PHF21A: variants seen among roughly 807,000 people sequenced by gnomAD.
PHF21A encodes PHD finger protein 21A.
A neutral mutation model predicts 82.5 loss-of-function variants in PHF21A; 11 were observed. The observed-to-expected ratio is 0.13, with a 90% CI of 0.08 to 0.22. The LOEUF (loss-of-function observed/expected upper bound fraction) is 0.22. Among genes scored for constraint, PHF21A ranks in the 10% least tolerant of loss-of-function variants. The probability of loss-of-function intolerance (pLI) is 1.00; values close to 1 mark genes in which losing one functional copy is unlikely to be tolerated. For missense variants in PHF21A, 579 were observed against 837.8 expected, an observed-to-expected ratio of 0.69 and a Z score of 3.81; for synonymous variants, 297 against 302.8, an observed-to-expected ratio of 0.98 and a Z score of 0.20.
chr11:46,070,714 A>G (rs2096647298), intron 6 of PHF21A, among the ~76,000 whole-genome samples: 1 of 152,238 alleles, frequency 6.6e-6, no homozygotes, highest in East Asian at 1.9e-4. Context: ...TCTCTCTAAA[A>G]AGGAGTAAAA....
At chr11:46,064,784 T>TA (rs1240568423) in intron 6 of PHF21A, among the ~76,000 whole-genome samples, 1 of 152,208 alleles carries the variant, frequency 6.6e-6, no homozygotes, top group African/African-American at 2.4e-5. Context: ...ACCAAAAAAT[T>TA]AAAAAATAAT....
chr11:45,950,320 G>C lies in PHF21A; in HGVS notation c.1096-63C>G. 2.8e-6 allele frequency: 4 copies of C among 1,423,542 alleles called. No homozygotes were observed. The South Asian group carries it at 4.7e-5, about 17-fold the overall frequency. 88.2% of individuals were successfully genotyped at this position (1,423,542 alleles called of 1,614,324 possible). A position where few individuals can be genotyped will look rare whatever the true frequency, so the allele number is the denominator to read the frequency against. ...TGGGTTCTCACAAAGCCAATTGCCA[G>C]TTCCTAGTAGGACATTAGGGAAAGC... On this transcript the variant is annotated intron_variant, in intron 11 of 18. Coordinates refer to ENST00000676320, the MANE Select transcript of PHF21A (RefSeq NM_001352027.3).
intron 8 of PHF21A, 151 bp downstream of exon 8, chr11:45,970,965 T>C: frequency 1.1e-6 from 1 of 914,386 alleles, no homozygotes; most frequent in South Asian, 1.8e-5. Context: ...AGAAATGCCA[T>C]ATTCCCTTGT....
intron 6 of PHF21A, among the ~76,000 whole-genome samples, chr11:46,060,543 G>A (rs1267445108): frequency 6.6e-6 from 1 of 152,168 alleles, no homozygotes; most frequent in Non-Finnish European, 1.5e-5. Flanking sequence ...CACTCATTGT[G>A]GTTCTGATGT....
chr11:46,030,531 G>A (rs932073333), intron 6 of PHF21A, among the ~76,000 whole-genome samples: 4 of 152,266 alleles, frequency 2.6e-5, no homozygotes, highest in Middle Eastern at 6.8e-3. Context: ...AGTCTCAAGT[G>A]TATAAATAAG....
chr11:46,041,676 T>C (rs539812948), intron 6 of PHF21A, among the ~76,000 whole-genome samples: 3 of 152,292 alleles, frequency 2.0e-5, no homozygotes, highest in East Asian at 3.9e-4. Context: ...AAAGAAAACA[T>C]TTATTTTTAA....
intron 6 of PHF21A, among the ~76,000 whole-genome samples, chr11:46,010,935 C>A (rs1289521972): frequency 6.6e-6 from 1 of 152,106 alleles, no homozygotes; most frequent in African/African-American, 2.4e-5. Flanking sequence ...AATAAATAAG[C>A]ATGATCAAGT....
chr11:45,981,317 T>G (rs1372449714), intron 6 of PHF21A, among the ~76,000 whole-genome samples: 1 of 138,788 alleles, frequency 7.2e-6, no homozygotes, highest in Admixed American at 8.3e-5. Flanking sequence ...ACCTAGGAGA[T>G]GGAGGTTGCA....
intron 6 of PHF21A, among the ~76,000 whole-genome samples, chr11:46,012,678 A>G (rs571431366): frequency 7.9e-5 from 12 of 152,208 alleles, no homozygotes; most frequent in South Asian, 2.1e-4. Context: ...AAGTAAATCT[A>G]TATCTCTAGT....
At chr11:46,001,376 C>T (rs896588902) in intron 6 of PHF21A, among the ~76,000 whole-genome samples, 2 of 150,510 alleles carry the variant, frequency 1.3e-5, no homozygotes, top group Non-Finnish European at 1.5e-5. Context: ...ATTTCTATTC[C>T]GATAAAGTAT....
intron 17 of PHF21A, 131 bp downstream of exon 17, chr11:45,936,363 C>G: frequency 1.7e-6 from 1 of 589,404 alleles, no homozygotes; most frequent in Non-Finnish European, 3.0e-6. Flanking sequence ...GCTTTGTTTC[C>G]TCCAATAGTT....
At chr11:46,056,882 T>C (rs914131687) in intron 6 of PHF21A, among the ~76,000 whole-genome samples, 1 of 152,096 alleles carries the variant, frequency 6.6e-6, no homozygotes, top group Non-Finnish European at 1.5e-5. Context: ...AACAATTACA[T>C]TATTTACAAG....
rs558932644 is a variant in PHF21A, at chr11:46,020,755, T to C, written c.154-40789A>G. Among the ~76,000 whole-genome samples the C allele has an allele frequency of 3.3e-5, 5 of 152,286 alleles. No individual in the cohort carries two copies. The East Asian group carries it at 5.8e-4, about 18-fold the overall frequency. On this transcript the variant is annotated intron_variant, in intron 6 of 18. Coordinates refer to ENST00000676320, the MANE Select transcript of PHF21A (RefSeq NM_001352027.3). ...ATGCTGATGTCCTATAAAGCCATGA[T>C]AGTTATGGTTGAAAAACATTATTCT...
intron 1 of PHF21A, among the ~76,000 whole-genome samples, chr11:46,108,181 G>GT (rs1566034273): frequency 1.3e-5 from 2 of 152,046 alleles, no homozygotes; most frequent in African/African-American, 2.4e-5. Flanking sequence ...GAGATTACCA[G>GT]TTTTTTTAAA....
chr11:46,031,858 T>C (rs2095872625), intron 6 of PHF21A, among the ~76,000 whole-genome samples: 1 of 152,086 alleles, frequency 6.6e-6, no homozygotes, highest in Non-Finnish European at 1.5e-5. Flanking sequence ...ACTATGGAAA[T>C]GGGGTGAGAC....
At chr11:45,981,391 T>TA (rs2094275969) in intron 6 of PHF21A, among the ~76,000 whole-genome samples, 1 of 37,264 alleles carries the variant, frequency 2.7e-5, no homozygotes, top group Admixed American at 4.4e-4. Context: ...AAACCCTGTC[T>TA]CAAAAAAAAA....
chr11:46,043,507 G>T (rs1020742997), intron 6 of PHF21A, among the ~76,000 whole-genome samples: 2 of 152,058 alleles, frequency 1.3e-5, no homozygotes, highest in Non-Finnish European at 2.9e-5. Flanking sequence ...ATTAATATCT[G>T]CAATGCCTCT....
chr11:45,948,975 T>C (rs1439972291), intron 13 of PHF21A, 29 bp from the exon 14 acceptor site: 2 of 1,572,858 alleles, frequency 1.3e-6, no homozygotes, highest in African/African-American at 2.7e-5. Flanking sequence ...GAAAGGTGAC[T>C]GTTGAGTAGT....
intron 6 of PHF21A, among the ~76,000 whole-genome samples, chr11:46,046,509 G>A (rs1039444893): frequency 6.6e-6 from 1 of 152,162 alleles, no homozygotes; most frequent in Non-Finnish European, 1.5e-5. Context: ...AGGATTTAAT[G>A]TTTTCCACTG....
Sources: allele counts gnomAD v4.1 joint callset (sites outside exome capture counted in the v4.1 genomes callset), GRCh38; gene constraint gnomAD v4.1.1; transcripts MANE v1.5; gene names NCBI Gene and HGNC (gene_info 2026-07-23, HGNC 2026-07-21).